The following DHRS7B variants were observed in gnomAD, a reference collection of about 807,000 sequenced individuals.
DHRS7B encodes the protein peroxisomal reductase activating PPAR-gamma.
Under a neutral mutation model 26.4 loss-of-function variants are expected in DHRS7B, and 24 were observed. The observed-to-expected ratio is 0.91, with a 90% CI of 0.66 to 1.28. DHRS7B has a LOEUF of 1.28. Among genes scored for constraint, DHRS7B ranks in the 50% most tolerant of loss-of-function variants. The pLI, the probability that DHRS7B is intolerant of heterozygous loss-of-function variation, is 0.00. For synonymous variants in DHRS7B, 142 were observed against 166.4 expected (o/e 0.85, Z 1.13); for missense variants, 368 against 419.4 (o/e 0.88, Z 1.07).
chr17:21,177,557 C>T (rs1480320276), intron 2 of DHRS7B, among the ~76,000 whole-genome samples: 6 of 152,198 alleles, frequency 3.9e-5, no homozygotes, highest in African/African-American at 1.4e-4. Flanking sequence ...CAGGACTGAG[C>T]CTTTTCAAAG....
chr17:21,175,763 C>A (rs1407520035), intron 2 of DHRS7B, among the ~76,000 whole-genome samples: 4 of 151,654 alleles, frequency 2.6e-5, no homozygotes, highest in Admixed American at 2.6e-4. Context: ...CATGGCGAAA[C>A]CTCATCTCTA....
In DHRS7B at chr17:21,132,530, C is replaced by CAA. The variant is rs34728939; in HGVS notation, c.20+5557_20+5558dup. On this transcript the variant is annotated intron_variant, in intron 1 of 6. Transcript: ENST00000395511. The stretch of plus-strand genomic sequence containing the variant: ...TAGGTGGCAGAGGGAGACCTTGTCT[C>CAA]AAAAAAAAAAAAAAAAAAACAAAAA... Among the ~76,000 whole-genome samples, 595 of 81,330 alleles carry CAA rather than the reference C, an allele frequency of 7.3e-3. 14 individuals are homozygous for CAA. The highest frequency in any genetic ancestry group is 0.011 in the African/African-American group (199 of 17,564). The allele number at this position is 81,330 out of a possible 152,430, so 53.4% of individuals were successfully genotyped here. A position where few individuals can be genotyped will look rare whatever the true frequency, so the allele number is the denominator to read the frequency against.
chr17:21,162,817 G>A (rs1381264788), intron 1 of DHRS7B, among the ~76,000 whole-genome samples: 1 of 152,186 alleles, frequency 6.6e-6, no homozygotes, highest in Admixed American at 6.5e-5. Context: ...TTATCAAAAA[G>A]TATTTAGCAT....
intron 1 of DHRS7B, among the ~76,000 whole-genome samples, chr17:21,138,131 C>CACACACACAT (rs1310302508): frequency 7.2e-6 from 1 of 138,586 alleles, no homozygotes; most frequent in Non-Finnish European, 1.5e-5. Flanking sequence ...CACACACACA[C>CACACACACAT]ATATATTTAT....
chr17:21,179,657 TTTG>T (rs1200580531), intron 3 of DHRS7B, among the ~76,000 whole-genome samples: 5 of 152,130 alleles, frequency 3.3e-5, no homozygotes, highest in African/African-American at 4.8e-5. Context: ...CAGGTTGTTG[TTTG>T]TTGTTGTTGA....
intron 1 of DHRS7B, 129 bp downstream of exon 1, chr17:21,127,120 C>T: frequency 1.0e-6 from 1 of 988,486 alleles, no homozygotes; most frequent in South Asian, 2.2e-5. Context: ...CCCTGGGCGG[C>T]TTCCGGATCC....
chr17:21,180,039 T>C (rs1427632494), intron 3 of DHRS7B, among the ~76,000 whole-genome samples: 1 of 150,864 alleles, frequency 6.6e-6, no homozygotes, highest in African/African-American at 2.5e-5. Context: ...AGTGCTGGGG[T>C]TACAGGCATG....
chr17:21,179,026 C>T (rs561320843), intron 3 of DHRS7B, among the ~76,000 whole-genome samples: 7 of 152,274 alleles, frequency 4.6e-5, no homozygotes, highest in African/African-American at 1.7e-4. Flanking sequence ...CTCACTGCAG[C>T]CTTGAACTCC....
At chr17:21,158,543 G>A (rs761562438) in intron 1 of DHRS7B, among the ~76,000 whole-genome samples, 3 of 152,150 alleles carry the variant, frequency 2.0e-5, no homozygotes, top group Non-Finnish European at 4.4e-5. Flanking sequence ...ATAAAACTGT[G>A]ATGAAATGTA....
chr17:21,151,820 A>G (rs1973778165), intron 1 of DHRS7B, among the ~76,000 whole-genome samples: 2 of 152,162 alleles, frequency 1.3e-5, no homozygotes, highest in Admixed American at 6.5e-5. Flanking sequence ...TTCAATTGTA[A>G]TCCCCAACGT....
chr17:21,130,290 T>A (rs574318343), intron 1 of DHRS7B, among the ~76,000 whole-genome samples: 1 of 152,178 alleles, frequency 6.6e-6, no homozygotes, highest in South Asian at 2.1e-4. Context: ...CTCAGGAGGC[T>A]GAGGCAGGAG....
At chr17:21,188,982 A>G in intron 6 of DHRS7B, 119 bp downstream of exon 6, 2 of 1,390,192 alleles carry the variant, frequency 1.4e-6, no homozygotes, top group Admixed American at 2.1e-5. Flanking sequence ...TTTTAAAGTG[A>G]AAAAAACTTG....
In DHRS7B at chr17:21,191,037, A is replaced by C. The variant is rs115723383; in HGVS notation, c.862A>C (p.Ile288Leu). The C allele has an allele frequency of 1.4e-4, 219 of 1,614,240 alleles. 1 individual carries two copies. The East Asian group carries it at 4.2e-3, about 31-fold the overall frequency. The change falls in exon 7 of 7, where the codon ATC becomes CTC. Residue 288 changes from isoleucine (I) to leucine (L), a missense_variant. Transcript: ENST00000395511. ...TGTGGGGAAGAAGAAGAAAGATGTGATCCTGGCTGACTTACTGCCTTCCTT... is the reference window on the plus strand; with the variant it reads ...TGTGGGGAAGAAGAAGAAAGATGTGCTCCTGGCTGACTTACTGCCTTCCTT... ...AAVGKKKKDV[I>L]LADLLPSLAV...
At chr17:21,129,884 A>T (rs1015747037) in intron 1 of DHRS7B, among the ~76,000 whole-genome samples, 1 of 152,190 alleles carries the variant, frequency 6.6e-6, no homozygotes, top group East Asian at 1.9e-4. Context: ...TTGTCCTCTT[A>T]TAAGAAGACT....
At chr17:21,164,590 A>G (rs1974071303) in intron 1 of DHRS7B, among the ~76,000 whole-genome samples, 1 of 152,236 alleles carries the variant, frequency 6.6e-6, no homozygotes, top group African/African-American at 2.4e-5. Context: ...AATTGTTTTG[A>G]CTTTGAATGA....
chr17:21,185,780 C>T (rs866224453), intron 5 of DHRS7B, among the ~76,000 whole-genome samples: 36 of 152,038 alleles, frequency 2.4e-4, no homozygotes, highest in Middle Eastern at 3.4e-3. Context: ...CTCCGCCTCC[C>T]GGGTTCAAGC....
At chr17:21,137,088 A>T (rs1029602445) in intron 1 of DHRS7B, among the ~76,000 whole-genome samples, 1 of 149,250 alleles carries the variant, frequency 6.7e-6, no homozygotes. Flanking sequence ...CTCCTGTCTC[A>T]GTCTCCTGTG....
chr17:21,185,066 TC>T (rs907477969), intron 5 of DHRS7B, among the ~76,000 whole-genome samples: 1 of 152,152 alleles, frequency 6.6e-6, no homozygotes. Flanking sequence ...GGATTTTTTT[TC>T]CCCCTCAGTC....
intron 1 of DHRS7B, among the ~76,000 whole-genome samples, chr17:21,130,621 A>AAAAGGAAGGAG (rs1719033438): frequency 6.6e-6 from 1 of 152,172 alleles, no homozygotes. Flanking sequence ...TGCTGTGAGG[A>AAAAGGAAGGAG]AAAGGAAGGA....
Sources: allele counts gnomAD v4.1 joint callset (sites outside exome capture counted in the v4.1 genomes callset), GRCh38; gene constraint gnomAD v4.1.1; transcripts MANE v1.5; gene names NCBI Gene and HGNC (gene_info 2026-07-23, HGNC 2026-07-21).